Variants in HS6ST3 observed in about 807,000 individuals in gnomAD.
HS6ST3 encodes the protein heparan-sulfate 6-O-sulfotransferase 3.
A neutral mutation model predicts 36.7 loss-of-function variants in HS6ST3; 12 were observed. That is an observed-to-expected ratio of 0.33 (90% CI 0.21 to 0.53). HS6ST3 has a LOEUF of 0.53. HS6ST3 is among the 20% of genes least tolerant of loss of function. HS6ST3 has a pLI of 0.95. For missense variants in HS6ST3, 584 were observed against 640.9 expected, an observed-to-expected ratio of 0.91 and a Z score of 0.96; for synonymous variants, 240 against 257.5, an observed-to-expected ratio of 0.93 and a Z score of 0.65.
chr13:96,645,803 G>C (rs1271483463), intron 1 of HS6ST3, among the ~76,000 whole-genome samples: 1 of 151,818 alleles, frequency 6.6e-6, no homozygotes, highest in African/African-American at 2.4e-5. Flanking sequence ...AGCTTAAAGG[G>C]GAGGAAATGC....
At chr13:96,113,359 C>T (rs1030999625) in intron 1 of HS6ST3, among the ~76,000 whole-genome samples, 1 of 152,148 alleles carries the variant, frequency 6.6e-6, no homozygotes, top group East Asian at 1.9e-4. Context: ...CACACCCCTG[C>T]CCCCCATTAA....
intron 1 of HS6ST3, among the ~76,000 whole-genome samples, chr13:96,770,471 T>G (rs1877237507): frequency 6.6e-6 from 1 of 152,238 alleles, no homozygotes; most frequent in African/African-American, 2.4e-5. Context: ...TGATTCTTAA[T>G]TGGATATTAT....
intron 1 of HS6ST3, among the ~76,000 whole-genome samples, chr13:96,416,778 AGT>A (rs1342415815): frequency 7.6e-6 from 1 of 131,790 alleles, no homozygotes; most frequent in East Asian, 2.2e-4. Flanking sequence ...TTTGAGACGG[AGT>A]CTCGCTCTGT....
At position 96,832,559 on chromosome 13, in the gene HS6ST3, G is replaced by A; in HGVS notation, c.777G>A (p.Gln259=). The change falls in exon 2 of 2, where the codon CAG becomes CAA. Residue 259 remains glutamine, a synonymous_variant. Coordinates refer to ENST00000376705, the MANE Select transcript of HS6ST3 (RefSeq NM_153456.4). Reference sequence around the variant, plus strand: ...ACCTGAGCGAGTGGAAACATGTCCAGAGAGGGGCCACTTGGAAAACCTCTC... The same window carrying A: ...ACCTGAGCGAGTGGAAACATGTCCAAAGAGGGGCCACTTGGAAAACCTCTC... The part of the protein sequence containing the change: ...SRYLSEWKHV[Q]RGATWKTSLH... 1 of 1,613,428 alleles carries A rather than the reference G, an allele frequency of 6.2e-7. No homozygotes were observed. The highest frequency in any genetic ancestry group is 1.3e-5 in the African/African-American group (1 of 75,014).
intron 1 of HS6ST3, among the ~76,000 whole-genome samples, chr13:96,821,916 T>C (rs1878543030): frequency 6.6e-6 from 1 of 152,238 alleles, no homozygotes; most frequent in African/African-American, 2.4e-5. Context: ...CTGTCAAATA[T>C]AGATTCTAAA....
chr13:96,640,893 C>T (rs546369237), intron 1 of HS6ST3, among the ~76,000 whole-genome samples: 206 of 152,002 alleles, frequency 1.4e-3, no homozygotes, highest in Admixed American at 0.012. Context: ...ATTGTCTGTT[C>T]TGTTCTAGTA....
At chr13:96,820,023 C>A (rs1422153373) in intron 1 of HS6ST3, among the ~76,000 whole-genome samples, 3 of 151,966 alleles carry the variant, frequency 2.0e-5, no homozygotes, top group Non-Finnish European at 4.4e-5. Flanking sequence ...TTGCTGTGAG[C>A]CGAGATCGTG....
intron 1 of HS6ST3, among the ~76,000 whole-genome samples, chr13:96,607,454 G>A (rs895228098): frequency 2.0e-5 from 3 of 152,096 alleles, no homozygotes; most frequent in African/African-American, 4.8e-5. Flanking sequence ...TTAGAGAACC[G>A]GCTTGAGACA....
chr13:96,214,839 G>A (rs1475216709), intron 1 of HS6ST3, among the ~76,000 whole-genome samples: 1 of 152,274 alleles, frequency 6.6e-6, no homozygotes, highest in Non-Finnish European at 1.5e-5. Context: ...ATAACGTTAA[G>A]ACCAAAATTA....
At chr13:96,657,337 G>T (rs190866826) in intron 1 of HS6ST3, among the ~76,000 whole-genome samples, 22 of 152,212 alleles carry the variant, frequency 1.4e-4, no homozygotes, top group Non-Finnish European at 2.9e-4. Flanking sequence ...GCAGTGGGAA[G>T]ATCACTTGAG....
At chr13:96,173,660 C>A in intron 1 of HS6ST3, among the ~76,000 whole-genome samples, 1 of 99,594 alleles carries the variant, frequency 1.0e-5, no homozygotes, top group African/African-American at 4.2e-5. Flanking sequence ...TAGGCAGAGT[C>A]ACAGGTTGTA....
At chr13:96,638,084 A>G (rs536162805) in intron 1 of HS6ST3, among the ~76,000 whole-genome samples, 1 of 152,232 alleles carries the variant, frequency 6.6e-6, no homozygotes, top group South Asian at 2.1e-4. Flanking sequence ...ACCTGGACAG[A>G]GAGGATTCCT....
chr13:96,121,193 G>C (rs562141685), intron 1 of HS6ST3, among the ~76,000 whole-genome samples: 1 of 152,120 alleles, frequency 6.6e-6, no homozygotes, highest in African/African-American at 2.4e-5. Flanking sequence ...TTCCCTTTCT[G>C]GTTTTAAAAG....
chr13:96,787,394 G>A (rs949296846), intron 1 of HS6ST3, among the ~76,000 whole-genome samples: 1 of 151,818 alleles, frequency 6.6e-6, no homozygotes. Context: ...ATCCTTCCCA[G>A]CATTTGTCAT....
At chr13:96,494,244 G>C (rs1386399991) in intron 1 of HS6ST3, among the ~76,000 whole-genome samples, 1 of 151,988 alleles carries the variant, frequency 6.6e-6, no homozygotes, top group South Asian at 2.1e-4. Flanking sequence ...TCCTTTGTAG[G>C]GACATGGATG....
At chr13:96,434,044 A>T (rs1351000706) in intron 1 of HS6ST3, among the ~76,000 whole-genome samples, 1 of 152,202 alleles carries the variant, frequency 6.6e-6, no homozygotes, top group African/African-American at 2.4e-5. Context: ...AGTTAAGACC[A>T]TGAGAAGAAA....
chr13:96,561,100 C>T (rs2056260327), intron 1 of HS6ST3, among the ~76,000 whole-genome samples: 1 of 152,012 alleles, frequency 6.6e-6, no homozygotes, highest in African/African-American at 2.4e-5. Context: ...AAAACAAAGC[C>T]AGAGGCATCA....
intron 1 of HS6ST3, among the ~76,000 whole-genome samples, chr13:96,412,636 A>G (rs1206035023): frequency 6.6e-6 from 1 of 152,120 alleles, no homozygotes; most frequent in African/African-American, 2.4e-5. Flanking sequence ...GAGAATTTCC[A>G]CCGTAAGAGA....
chr13:96,516,963 A>G (rs895804097), intron 1 of HS6ST3, among the ~76,000 whole-genome samples: 2 of 152,160 alleles, frequency 1.3e-5, no homozygotes, highest in Admixed American at 6.5e-5. Context: ...TTCTTCTACA[A>G]CCAGCGGGAC....
Sources: gnomAD v4.1 joint callset for allele counts (sites outside exome capture counted in the v4.1 genomes callset) on GRCh38, gnomAD v4.1.1 for gene constraint, MANE v1.5 for transcripts, NCBI Gene and HGNC (gene_info 2026-07-23, HGNC 2026-07-21) for gene names.